Variants in CAMTA1 observed in about 807,000 individuals in gnomAD.
CAMTA1 encodes calmodulin-binding transcription activator 1.
A neutral mutation model predicts 170.9 loss-of-function variants in CAMTA1; 27 were observed. That is an observed-to-expected ratio of 0.16 (90% CI 0.12 to 0.22). CAMTA1 has a LOEUF of 0.22. Among genes scored for constraint, CAMTA1 ranks in the 10% least tolerant of loss-of-function variants. The pLI, the probability that CAMTA1 is intolerant of heterozygous loss-of-function variation, is 1.00. For synonymous variants in CAMTA1, 833 were observed against 891.5 expected, an observed-to-expected ratio of 0.93 and a Z score of 1.17; for missense variants, 1,619 against 2,217.2, an observed-to-expected ratio of 0.73 and a Z score of 5.42.
At chr1:7,476,062 C>G (rs1366613679) in intron 6 of CAMTA1, among the ~76,000 whole-genome samples, 2 of 152,346 alleles carry the variant, frequency 1.3e-5, no homozygotes, top group African/African-American at 4.8e-5. Flanking sequence ...TTCCCCTGCC[C>G]TGGCCCTTGG....
intron 3 of CAMTA1, among the ~76,000 whole-genome samples, chr1:7,061,155 T>A (rs1413184022): frequency 6.9e-6 from 1 of 145,430 alleles, no homozygotes; most frequent in Non-Finnish European, 1.6e-5. Context: ...TCGGTCTCTG[T>A]ATTTTGTCTT....
intron 11 of CAMTA1, among the ~76,000 whole-genome samples, chr1:7,684,166 G>A (rs78702433): frequency 0.035 from 5,259 of 152,326 alleles, 441 homozygotes; most frequent in East Asian, 0.26. Context: ...AGCAAAGGCC[G>A]AGGGGCAGCC....
intron 4 of CAMTA1, among the ~76,000 whole-genome samples, chr1:7,104,126 CATAACTACACACGTACACACAACACACAT>C (rs1288550968): frequency 6.1e-5 from 7 of 115,676 alleles, no homozygotes; most frequent in South Asian, 4.7e-4. Context: ...ACACAACACA[CATAACTACACACGTACACACAACACACAT>C]ATGCATACAA....
At chr1:7,762,413 A>G (rs887840864) in intron 22 of CAMTA1, among the ~76,000 whole-genome samples, 47 of 152,228 alleles carry the variant, frequency 3.1e-4, no homozygotes, top group African/African-American at 1.0e-3. Flanking sequence ...TATTTCTTAA[A>G]ATTTGTTTTA....
At chr1:6,995,783 T>C (rs10128028) in intron 3 of CAMTA1, among the ~76,000 whole-genome samples, 79,230 of 151,654 alleles carry the variant, frequency 0.52, 21,338 homozygotes, top group African/African-American at 0.67. Context: ...TGGTCAGAGG[T>C]GGAGGGAGCA....
At position 7,680,918 on chromosome 1, in the gene CAMTA1, C is replaced by G. The variant is rs114806335; in HGVS notation, c.2914+3185C>G. Among the ~76,000 whole-genome samples, 1 of 143,466 alleles carries G rather than the reference C, an allele frequency of 7.0e-6. No individual in the cohort carries two copies. The highest frequency in any genetic ancestry group is 2.5e-5 in the African/African-American group (1 of 39,442). 94.1% of individuals were successfully genotyped at this position (143,466 alleles called of 152,430 possible). ...GAAGTCTTTGTCCCCGCGGCGCAGC[C>G]TTTGTCCCCGCGGCGTAGCTTTTGT... On this transcript the variant is annotated intron_variant, in intron 11 of 22. Coordinates refer to ENST00000303635, the MANE Select transcript of CAMTA1 (RefSeq NM_015215.4). The surrounding 1 kb of genome is among the most constrained non-coding windows in gnomAD (Gnocchi z 4.4).
At chr1:7,250,054 C>A (rs1019086622) in intron 5 of CAMTA1, among the ~76,000 whole-genome samples, 3 of 152,154 alleles carry the variant, frequency 2.0e-5, no homozygotes, top group African/African-American at 7.2e-5. Context: ...GGCTTCACCC[C>A]CTCCACCGAC....
At chr1:7,645,668 T>G (rs1241725885) in intron 7 of CAMTA1, among the ~76,000 whole-genome samples, 2 of 152,190 alleles carry the variant, frequency 1.3e-5, no homozygotes, top group Non-Finnish European at 2.9e-5. Flanking sequence ...GGGGTTTAGC[T>G]CCACCCTGCC....
chr1:6,794,899 GTTTTT>G (rs1225397250), intron 1 of CAMTA1, among the ~76,000 whole-genome samples: 13 of 135,682 alleles, frequency 9.6e-5, no homozygotes, highest in African/African-American at 3.6e-4. Context: ...TGTTTTTTTT[GTTTTT>G]TTGTTTTTTT....
At chr1:7,593,449 C>G (rs1165287619) in intron 6 of CAMTA1, among the ~76,000 whole-genome samples, 9 of 151,248 alleles carry the variant, frequency 6.0e-5, no homozygotes, top group Admixed American at 5.9e-4. Flanking sequence ...CGAGGAAGGA[C>G]TCTGGCCAGG....
intron 7 of CAMTA1, among the ~76,000 whole-genome samples, chr1:7,653,918 C>A (rs1244034227): frequency 6.6e-6 from 1 of 152,144 alleles, no homozygotes. Flanking sequence ...ATTTCTATAC[C>A]CATAGTTCTC....
At position 7,673,365 on chromosome 1, in the gene CAMTA1, G is replaced by A. The variant is rs1429735786; in HGVS notation, c.2779+2328G>A. Among the ~76,000 whole-genome samples the A allele has an allele frequency of 3.9e-5, 6 of 152,238 alleles. No individual in the cohort carries two copies. The highest frequency in any genetic ancestry group is 1.4e-4 in the African/African-American group (6 of 41,462). ...AAAACTGCCTGCCAGCAGGGCGAGAGCAGTGAGTGAGAGGAGGTGTGTGAA... is the reference window on the plus strand; with the variant it reads ...AAAACTGCCTGCCAGCAGGGCGAGAACAGTGAGTGAGAGGAGGTGTGTGAA... On this transcript the variant is annotated intron_variant, in intron 10 of 22. Transcript: ENST00000303635. The surrounding 1 kb of genome is among the most constrained non-coding windows in gnomAD (Gnocchi z 4.6).
intron 5 of CAMTA1, among the ~76,000 whole-genome samples, chr1:7,446,313 AAATATTTC>A (rs2092679771): frequency 6.6e-6 from 1 of 152,160 alleles, no homozygotes; most frequent in South Asian, 2.1e-4. Context: ...TTAAATATTT[AAATATTTC>A]ATTAAATATT....
chr1:7,507,161 C>T (rs758300393), intron 6 of CAMTA1, among the ~76,000 whole-genome samples: 51 of 151,330 alleles, frequency 3.4e-4, no homozygotes, highest in Non-Finnish European at 6.3e-4. Flanking sequence ...CACACTCACA[C>T]AACACACACG....
intron 5 of CAMTA1, among the ~76,000 whole-genome samples, chr1:7,411,864 C>A (rs536948719): frequency 5.3e-5 from 8 of 151,400 alleles, no homozygotes; most frequent in Admixed American, 3.3e-4. Context: ...ACCATTAACT[C>A]GTCATTTAGC....
At chr1:7,691,982 AG>A (rs1553251176) in intron 11 of CAMTA1, among the ~76,000 whole-genome samples, 1 of 24,794 alleles carries the variant, frequency 4.0e-5, no homozygotes, top group African/African-American at 1.3e-4. Flanking sequence ...GGAAGGAAGG[AG>A]GGAGGGAGGG....
At chr1:7,536,902 C>T (rs1339948944) in intron 6 of CAMTA1, among the ~76,000 whole-genome samples, 1 of 152,158 alleles carries the variant, frequency 6.6e-6, no homozygotes, top group Non-Finnish European at 1.5e-5. Flanking sequence ...TCTGGTGGCT[C>T]CTGCCCCCAT....
chr1:6,915,092 G>A (rs141296563), intron 3 of CAMTA1, among the ~76,000 whole-genome samples: 69 of 152,130 alleles, frequency 4.5e-4, no homozygotes, highest in Non-Finnish European at 7.6e-4. Flanking sequence ...TAAGCCTTCT[G>A]ATTTATTTTT....
At chr1:7,302,403 T>A (rs1368757037) in intron 5 of CAMTA1, among the ~76,000 whole-genome samples, 2 of 152,152 alleles carry the variant, frequency 1.3e-5, no homozygotes, top group African/African-American at 4.8e-5. Context: ...TGTCTTTTCA[T>A]CCCCTGTTTT....
Sources: gnomAD v4.1 joint callset for allele counts (sites outside exome capture counted in the v4.1 genomes callset) on GRCh38, gnomAD v4.1.1 for gene constraint, Gnocchi (gnomAD v3.1) non-coding constraint, MANE v1.5 for transcripts, NCBI Gene and HGNC (gene_info 2026-07-23, HGNC 2026-07-21) for gene names.